The following EVI5 variants were observed in gnomAD, a reference collection of about 807,000 sequenced individuals.
EVI5 encodes ecotropic viral integration site 5 protein homolog.
Under a neutral mutation model 112.0 loss-of-function variants are expected in EVI5, and 73 were observed. That is an observed-to-expected ratio of 0.65 (90% CI 0.54 to 0.79). The LOEUF (loss-of-function observed/expected upper bound fraction) is 0.79, where lower values mean the gene tolerates loss of function less well. EVI5 is among the 30% of genes least tolerant of loss of function. The pLI, the probability that EVI5 is intolerant of heterozygous loss-of-function variation, is 0.00. For synonymous variants in EVI5, 305 were observed against 319.9 expected, an observed-to-expected ratio of 0.95 and a Z score of 0.50; for missense variants, 900 against 968.8, an observed-to-expected ratio of 0.93 and a Z score of 0.94.
rs200564714 is a variant in EVI5 at position 92,605,281 on chromosome 1, T to C, written c.2070+26A>G. The C allele has an allele frequency of 7.6e-4, 1,087 of 1,424,420 alleles. 17 individuals are homozygous for C. The South Asian group carries it at 0.012, about 16-fold the overall frequency. 88.2% of individuals were successfully genotyped at this position (1,424,420 alleles called of 1,614,324 possible). On this transcript the variant is annotated intron_variant, in intron 18 of 19. Coordinates refer to ENST00000684568, the MANE Select transcript of EVI5 (RefSeq NM_001350197.2). ...GGATAGAAGAAACTATATTTTTACA[T>C]GTACTTTATTATTTTCATATGGTAC... is the stretch of plus-strand genomic sequence containing the variant.
At chr1:92,576,189 T>C (rs1671051255) in intron 18 of EVI5, among the ~76,000 whole-genome samples, 1 of 152,160 alleles carries the variant, frequency 6.6e-6, no homozygotes, top group African/African-American at 2.4e-5. Context: ...TATTCTACCT[T>C]AGAGTCATAT....
At chr1:92,636,391 A>G (rs1435804471) in intron 13 of EVI5, 55 bp from the exon 14 acceptor site, 2 of 1,432,170 alleles carry the variant, frequency 1.4e-6, no homozygotes. Context: ...ATGTATATAC[A>G]ATAAAAACAA....
chr1:92,631,224 T>G (rs1373693878), intron 14 of EVI5, among the ~76,000 whole-genome samples: 3 of 152,126 alleles, frequency 2.0e-5, no homozygotes, highest in East Asian at 1.9e-4. Flanking sequence ...AAGAAAGTCA[T>G]TGGTAGCTTG....
chr1:92,624,419 T>G (rs980374590), intron 15 of EVI5, 85 bp from the exon 16 acceptor site: 8 of 1,051,046 alleles, frequency 7.6e-6, no homozygotes, highest in Non-Finnish European at 1.1e-5. Flanking sequence ...TTCAGGCCTG[T>G]GATATATAAA....
chr1:92,601,369 A>C (rs1473721517), intron 18 of EVI5, among the ~76,000 whole-genome samples: 1 of 152,222 alleles, frequency 6.6e-6, no homozygotes, highest in African/African-American at 2.4e-5. Context: ...TATATATCCA[A>C]AGGAAATTAA....
In EVI5 at chr1:92,718,441, G is replaced by A. The variant is rs144847884; in HGVS notation, c.150-13697C>T. 8.5e-5 allele frequency among the ~76,000 whole-genome samples: 13 copies of A among 152,108 alleles called. No individual in the cohort carries two copies. The South Asian group carries it at 1.0e-3, about 12-fold the overall frequency. On this transcript the variant is annotated intron_variant, in intron 2 of 19. Transcript: ENST00000684568. ...ACTGAACAACCTGCTCCTGAATGAC[G>A]ACTGGGTAAATAACAAAATGAAGGC...
At chr1:92,669,524 G>T (rs570388263) in intron 10 of EVI5, among the ~76,000 whole-genome samples, 12 of 67,448 alleles carry the variant, frequency 1.8e-4, no homozygotes, top group Admixed American at 8.0e-4. Flanking sequence ...CTCCGGCCTG[G>T]GCAACGGAGC....
chr1:92,788,933 A>C (rs923728071), upstream of EVI5, among the ~76,000 whole-genome samples: 4 of 152,184 alleles, frequency 2.6e-5, no homozygotes, highest in African/African-American at 9.7e-5. Context: ...TTTAATCCTC[A>C]TATTGTCCTC....
intron 19 of EVI5, among the ~76,000 whole-genome samples, chr1:92,522,367 G>A (rs1322292269): frequency 6.6e-6 from 1 of 152,086 alleles, no homozygotes; most frequent in East Asian, 1.9e-4. Flanking sequence ...GCCAGGCGTG[G>A]TGGCTCGTGC....
At chr1:92,612,535 C>T (rs1401780202) in intron 16 of EVI5, among the ~76,000 whole-genome samples, 1 of 151,806 alleles carries the variant, frequency 6.6e-6, no homozygotes, top group Non-Finnish European at 1.5e-5. Context: ...ATGGTGAAAC[C>T]CCTGTCTCCA....
At chr1:92,569,128 C>CT (rs1669934376) in intron 18 of EVI5, among the ~76,000 whole-genome samples, 1 of 152,142 alleles carries the variant, frequency 6.6e-6, no homozygotes, top group African/African-American at 2.4e-5. Context: ...TTCTAAGCTG[C>CT]TTATGTGTAA....
intron 14 of EVI5, among the ~76,000 whole-genome samples, chr1:92,627,950 G>A (rs1285167860): frequency 6.6e-6 from 1 of 151,948 alleles, no homozygotes; most frequent in Non-Finnish European, 1.5e-5. Context: ...CACCATGCCT[G>A]GCTAATTTTT....
chr1:92,631,941 T>C (rs1657244450), intron 14 of EVI5, among the ~76,000 whole-genome samples: 1 of 152,250 alleles, frequency 6.6e-6, no homozygotes, highest in South Asian at 2.1e-4. Context: ...GAGATAATTA[T>C]GTGGTTTCTG....
chr1:92,632,209 G>T (rs893273460), intron 14 of EVI5, among the ~76,000 whole-genome samples: 6 of 152,164 alleles, frequency 3.9e-5, no homozygotes, highest in Non-Finnish European at 5.9e-5. Context: ...ATGAGTTAGG[G>T]AGGATTCCCT....
At chr1:92,738,593 G>C (rs985298253) in intron 1 of EVI5, among the ~76,000 whole-genome samples, 1 of 152,102 alleles carries the variant, frequency 6.6e-6, no homozygotes, top group Non-Finnish European at 1.5e-5. Context: ...TCGATTTAAA[G>C]AGTCTGAAAT....
At chr1:92,521,400 A>G (rs1272483246) in intron 19 of EVI5, among the ~76,000 whole-genome samples, 3 of 152,246 alleles carry the variant, frequency 2.0e-5, no homozygotes, top group Non-Finnish European at 2.9e-5. Context: ...CCAAAATTCA[A>G]AGACTAACAG....
rs531286584 is a variant in EVI5, at chr1:92,579,504, C to T, written c.2071-15767G>A. 3.2e-4 allele frequency among the ~76,000 whole-genome samples: 49 copies of T among 152,174 alleles called. 1 individual carries two copies. Among genetic ancestry groups the T allele is most frequent in the East Asian group, 1.3e-3 (7 of 5,190 alleles). On this transcript the variant is annotated intron_variant, in intron 18 of 19. Coordinates refer to ENST00000684568, the MANE Select transcript of EVI5 (RefSeq NM_001350197.2). The stretch of plus-strand genomic sequence containing the variant: ...TATCAATGGTATTTTATATATTTCA[C>T]GGAAATAATATACTATAAAATTAAT...
rs1043906244 is a variant in EVI5, at chr1:92,593,943, A to G, written c.2070+11364T>C. Among the ~76,000 whole-genome samples, 11 of 152,236 alleles carry G rather than the reference A, an allele frequency of 7.2e-5. No individual in the cohort carries two copies. In the East Asian group the frequency reaches 7.7e-4, roughly 11 times the overall value. ...GGAGGACACAAACAAATGGAAAAAC[A>G]TTCCATGCTTATGGGTAGGAAGAAT... On this transcript the variant is annotated intron_variant, in intron 18 of 19. Transcript: ENST00000684568.
At chr1:92,630,115 C>T (rs1462359128) in intron 14 of EVI5, among the ~76,000 whole-genome samples, 2 of 152,140 alleles carry the variant, frequency 1.3e-5, no homozygotes, top group Admixed American at 1.3e-4. Context: ...GTGAATAGTG[C>T]CACAAGAAAC....
Sources: allele counts gnomAD v4.1 joint callset (sites outside exome capture counted in the v4.1 genomes callset), GRCh38; gene constraint gnomAD v4.1.1; transcripts MANE v1.5; gene names NCBI Gene and HGNC (gene_info 2026-07-23, HGNC 2026-07-21).